The following AMPH variants were observed in gnomAD, a reference collection of about 807,000 sequenced individuals.
The protein encoded by AMPH is amphiphysin (Stiff-Mann syndrome with breast cancer 128kD autoantigen).
In AMPH, 49 loss-of-function variants were observed where a neutral mutation model predicts 99.1. That is an observed-to-expected ratio of 0.49 (90% CI 0.39 to 0.63). The LOEUF is 0.63. Ranked by LOEUF, AMPH falls within the 20% of genes least tolerant of loss-of-function variation. The probability of loss-of-function intolerance (pLI) is 0.00; values close to 1 mark genes in which losing one functional copy is unlikely to be tolerated. For synonymous variants in AMPH, 314 were observed against 317.3 expected, an observed-to-expected ratio of 0.99 and a Z score of 0.11; for missense variants, 759 against 863.4, an observed-to-expected ratio of 0.88 and a Z score of 1.52.
chr7:38,535,750 G>A (rs548167865), intron 1 of AMPH, among the ~76,000 whole-genome samples: 20 of 152,190 alleles, frequency 1.3e-4, no homozygotes, highest in African/African-American at 4.1e-4. Context: ...TAGATCTCTC[G>A]CATGTGCAGT....
At chr7:38,556,490 C>A (rs1034072459) in intron 1 of AMPH, among the ~76,000 whole-genome samples, 2 of 152,148 alleles carry the variant, frequency 1.3e-5, no homozygotes, top group Non-Finnish European at 2.9e-5. Context: ...TGGGGAGATA[C>A]CAGCGAAGGC....
At chr7:38,529,803 A>G (rs1790323913) in intron 2 of AMPH, among the ~76,000 whole-genome samples, 1 of 152,228 alleles carries the variant, frequency 6.6e-6, no homozygotes, top group Non-Finnish European at 1.5e-5. Flanking sequence ...TGTGGCAAAA[A>G]CAAATGTTCT....
At chr7:38,477,783 A>T (rs1007619124) in intron 5 of AMPH, among the ~76,000 whole-genome samples, 34 of 152,108 alleles carry the variant, frequency 2.2e-4, no homozygotes, top group African/African-American at 7.7e-4. Context: ...GCAAGCAAAG[A>T]TCTACTGCTT....
chr7:38,440,265 AGT>A lies in AMPH; in HGVS notation c.1018-3879_1018-3878del, dbSNP rs1786453832. On this transcript the variant is annotated intron_variant, in intron 11 of 20. Coordinates refer to ENST00000356264, the MANE Select transcript of AMPH (RefSeq NM_001635.4). ...ACCAGAAATAATGAAGCAAAAAGAC[AGT>A]GAGGCAAAGTACTGAGAAAAAGAAA... Among the ~76,000 whole-genome samples, 2 of 152,258 alleles carry A rather than the reference AGT, an allele frequency of 1.3e-5. 1 individual carries two copies. The highest frequency in any genetic ancestry group is 1.3e-4 in the Admixed American group (2 of 15,282).
chr7:38,429,460 G>C (rs1287164893), intron 14 of AMPH: 1 of 1,302,994 alleles, frequency 7.7e-7, no homozygotes, highest in Middle Eastern at 2.1e-4. Flanking sequence ...CTAGCGTCAG[G>C]GCCCCAAGTA....
chr7:38,610,260 A>AAGAAAGAAGG (rs1793591223), intron 1 of AMPH, among the ~76,000 whole-genome samples: 5 of 11,110 alleles, frequency 4.5e-4, no homozygotes, highest in African/African-American at 8.9e-4. Flanking sequence ...AAAAAAAAAA[A>AAGAAAGAAGG]AAAGAAAGAA....
intron 1 of AMPH, among the ~76,000 whole-genome samples, chr7:38,606,158 G>T (rs1331665505): frequency 6.6e-6 from 1 of 151,970 alleles, no homozygotes; most frequent in Admixed American, 6.5e-5. Flanking sequence ...TAGGTTTTGG[G>T]GTATCTTTGG....
chr7:38,436,242 A>G (rs758721719), intron 12 of AMPH, 30 bp downstream of exon 12: 3 of 1,519,330 alleles, frequency 2.0e-6, no homozygotes, highest in Non-Finnish European at 2.7e-6. Context: ...TTTATGAAAT[A>G]TCTCCAAACA....
intron 4 of AMPH, among the ~76,000 whole-genome samples, chr7:38,491,983 G>A (rs931212911): frequency 6.6e-6 from 1 of 152,200 alleles, no homozygotes; most frequent in Admixed American, 6.5e-5. Context: ...AGTTGGCAAT[G>A]TAAAGTGCTT....
chr7:38,494,305 T>A, intron 4 of AMPH, 128 bp downstream of exon 4: 1 of 784,754 alleles, frequency 1.3e-6, no homozygotes, highest in Non-Finnish European at 2.2e-6. Context: ...GCAGCAGAAC[T>A]GCACAGTGCC....
intron 7 of AMPH, among the ~76,000 whole-genome samples, chr7:38,474,894 T>A (rs988642473): frequency 1.3e-5 from 2 of 152,062 alleles, no homozygotes; most frequent in African/African-American, 4.8e-5. Context: ...CTAAGCCAGA[T>A]GACTAGATGA....
rs767684408 is a variant in AMPH at position 38,436,249 on chromosome 7, A to G, written c.1134+23T>C. On this transcript the variant is annotated intron_variant, in intron 12 of 20. Transcript: ENST00000356264. ...TACTGAGGTTTATGAAATATCTCCA[A>G]ACATCCAAAAAGCACCTGATACCTG... The G allele has an allele frequency of 3.8e-6, 6 of 1,570,990 alleles. No homozygotes were observed. The East Asian group carries it at 6.7e-5, about 18-fold the overall frequency.
intron 5 of AMPH, among the ~76,000 whole-genome samples, chr7:38,482,700 T>C (rs1158519591): frequency 6.6e-6 from 1 of 152,164 alleles, no homozygotes; most frequent in African/African-American, 2.4e-5. Context: ...CAGCCTTTAT[T>C]TGCTTAGCTA....
At chr7:38,578,128 G>A (rs1215156413) in intron 1 of AMPH, among the ~76,000 whole-genome samples, 1 of 152,082 alleles carries the variant, frequency 6.6e-6, no homozygotes, top group African/African-American at 2.4e-5. Flanking sequence ...ACTTTTCCAG[G>A]AGAAAATCAT....
chr7:38,384,562 A>G lies in AMPH; in HGVS notation c.*256T>C, dbSNP rs1310524097. ...AATTGGTGGGAGGGGATCAAGTACAAGAGTCTCCACAGCTTGGACAAAGCA... is the reference window on the plus strand; with the variant it reads ...AATTGGTGGGAGGGGATCAAGTACAGGAGTCTCCACAGCTTGGACAAAGCA... On this transcript the variant is annotated 3_prime_UTR_variant, in exon 21 of 21. Transcript: ENST00000356264. 2.6e-6 allele frequency: 1 copy of G among 381,482 alleles called. No homozygotes were observed. The highest frequency in any genetic ancestry group is 4.9e-6 in the Non-Finnish European group (1 of 203,194). 23.6% of individuals were successfully genotyped at this position (381,482 alleles called of 1,614,324 possible).
intron 1 of AMPH, among the ~76,000 whole-genome samples, chr7:38,621,945 T>C (rs750993398): frequency 5.9e-5 from 9 of 152,332 alleles, no homozygotes; most frequent in South Asian, 2.1e-4. Context: ...AGAATGATGT[T>C]TCAGCATTTC....
At chr7:38,437,884 T>C (rs73352619) in intron 11 of AMPH, among the ~76,000 whole-genome samples, 3,573 of 152,252 alleles carry the variant, frequency 0.023, 131 homozygotes, top group African/African-American at 0.078. Flanking sequence ...TCCGTACTCA[T>C]TGCAGAAGAA....
At chr7:38,564,398 C>T (rs1791656277) in intron 1 of AMPH, among the ~76,000 whole-genome samples, 1 of 152,180 alleles carries the variant, frequency 6.6e-6, no homozygotes, top group South Asian at 2.1e-4. Flanking sequence ...GAGAAAAGTC[C>T]TCAAGTGGCA....
chr7:38,436,279 ATGGGTGAG>A lies in AMPH; in HGVS notation c.1119_1126del (p.Ser374ValfsTer14), dbSNP rs1786259276. On this transcript the variant is annotated frameshift_variant, in exon 12 of 21. Coordinates refer to ENST00000356264, the MANE Select transcript of AMPH (RefSeq NM_001635.4). LOFTEE classifies it high-confidence loss of function. Reference sequence around the variant, plus strand: ...CCAAAAAGCACCTGATACCTGAGACATGGGTGAGTGGGTCACTCCAGCAGAACCTGCAG... The same window carrying A: ...CCAAAAAGCACCTGATACCTGAGACATGGGTCACTCCAGCAGAACCTGCAG... 2 of 1,613,616 alleles carry A rather than the reference ATGGGTGAG, an allele frequency of 1.2e-6. No individual in the cohort carries two copies.
Sources: gnomAD v4.1 joint callset for allele counts (sites outside exome capture counted in the v4.1 genomes callset) on GRCh38, gnomAD v4.1.1 for gene constraint, MANE v1.5 for transcripts, NCBI Gene and HGNC (gene_info 2026-07-23, HGNC 2026-07-21) for gene names.